Variants in THSD7A observed in about 807,000 individuals in gnomAD.
The protein encoded by THSD7A is thrombospondin type 1 domain containing 7A.
A neutral mutation model predicts 231.3 loss-of-function variants in THSD7A; 96 were observed. That is an observed-to-expected ratio of 0.41 (90% CI 0.35 to 0.49). THSD7A has a LOEUF of 0.49. Among genes scored for constraint, THSD7A ranks in the 20% least tolerant of loss-of-function variants. THSD7A has a pLI of 0.05. For synonymous variants in THSD7A, 940 were observed against 743.3 expected, an observed-to-expected ratio of 1.26 and a Z score of -4.30; for missense variants, 2,290 against 2,070.2, an observed-to-expected ratio of 1.11 and a Z score of -2.06.
At chr7:11,558,850 C>T (rs1270540239) in intron 4 of THSD7A, among the ~76,000 whole-genome samples, 1 of 152,140 alleles carries the variant, frequency 6.6e-6, no homozygotes, top group African/African-American at 2.4e-5. Flanking sequence ...AGGGACTCCA[C>T]AGATGTGATT....
Position 11,446,632 on chromosome 7 carries a change from G to A in THSD7A, c.2801-308C>T, listed in dbSNP as rs763324255. 1.6e-4 allele frequency among the ~76,000 whole-genome samples: 24 copies of A among 151,784 alleles called. No individual in the cohort carries two copies. The highest frequency in any genetic ancestry group is 2.8e-4 in the Non-Finnish European group (19 of 67,960). ...TTCATAGGCTGTGTTATATAGTTTC[G>A]ACAGTCTTCATTACATAGGTGGTTC... On this transcript the variant is annotated intron_variant, in intron 12 of 27. Transcript: ENST00000423059. This position sits in a 1 kb window ranked among gnomAD's most constrained non-coding sequence, Gnocchi z 4.0.
Position 11,632,144 on chromosome 7 carries a change from CCT to C in THSD7A, c.1022+3984_1022+3985del, listed in dbSNP as rs1378650559. 2.6e-5 allele frequency among the ~76,000 whole-genome samples: 4 copies of C among 151,970 alleles called. No homozygotes were observed. The highest frequency in any genetic ancestry group is 5.9e-5 in the Non-Finnish European group (4 of 67,996). On this transcript the variant is annotated intron_variant, in intron 2 of 27. Coordinates refer to ENST00000423059, the MANE Select transcript of THSD7A (RefSeq NM_015204.3). This position sits in a 1 kb window ranked among gnomAD's most constrained non-coding sequence, Gnocchi z 4.1. The stretch of plus-strand genomic sequence containing the variant: ...TAATTATCTTGTGAAGTTAGCCTTT[CCT>C]CTCTCTTTATTTTTCAGTATTTTCC...
chr7:11,727,117 G>A (rs1367063855), intron 1 of THSD7A, among the ~76,000 whole-genome samples: 2 of 151,968 alleles, frequency 1.3e-5, no homozygotes, highest in Non-Finnish European at 2.9e-5. Flanking sequence ...TGTCTTTCCA[G>A]TGAAAATGTA....
At chr7:11,452,066 C>T (rs1326042380) in intron 11 of THSD7A, among the ~76,000 whole-genome samples, 1 of 151,900 alleles carries the variant, frequency 6.6e-6, no homozygotes, top group Non-Finnish European at 1.5e-5. Flanking sequence ...GGTCAAAGAG[C>T]TCTGTGACCT....
At chr7:11,535,434 T>G (rs1162936393) in intron 6 of THSD7A, among the ~76,000 whole-genome samples, 1 of 152,048 alleles carries the variant, frequency 6.6e-6, no homozygotes, top group East Asian at 1.9e-4. Context: ...GAAAACATAT[T>G]GCTTGAAATT....
intron 1 of THSD7A, among the ~76,000 whole-genome samples, chr7:11,677,223 A>G (rs1245274913): frequency 1.3e-5 from 2 of 152,136 alleles, no homozygotes; most frequent in African/African-American, 2.4e-5. Context: ...ATGCTGAGGG[A>G]TTTTGTCATG....
At chr7:11,822,530 A>T (rs1034891563) in intron 1 of THSD7A, among the ~76,000 whole-genome samples, 4 of 151,908 alleles carry the variant, frequency 2.6e-5, no homozygotes, top group Non-Finnish European at 5.9e-5. Flanking sequence ...GTGTCTTTTG[A>T]TATATTGACT....
chr7:11,821,245 C>T lies in THSD7A; in HGVS notation c.190+10512G>A, dbSNP rs114440983. 154 of 1,157,812 alleles carry T rather than the reference C, an allele frequency of 1.3e-4. 1 individual carries two copies. In the African/African-American group the frequency reaches 2.2e-3, roughly 17 times the overall value. The allele number at this position is 1,157,812 out of a possible 1,614,324, so 71.7% of individuals were successfully genotyped here. ...ATGTTGGGCTAACAGTTCTGAGGGTCTACGCTGAGACTGAGCTGACTGTAT... is the reference window on the plus strand; with the variant it reads ...ATGTTGGGCTAACAGTTCTGAGGGTTTACGCTGAGACTGAGCTGACTGTAT... On this transcript the variant is annotated intron_variant, in intron 1 of 27. Coordinates refer to ENST00000423059, the MANE Select transcript of THSD7A (RefSeq NM_015204.3).
intron 6 of THSD7A, among the ~76,000 whole-genome samples, chr7:11,538,269 T>C (rs540671777): frequency 3.5e-4 from 53 of 152,290 alleles, no homozygotes; most frequent in African/African-American, 1.2e-3. Flanking sequence ...ACTGACTTTT[T>C]TTTCGAAAGT....
At position 11,645,865 on chromosome 7, in the gene THSD7A, C is replaced by T. The variant is rs999246027; in HGVS notation, c.191-8904G>A. Among the ~76,000 whole-genome samples, 53 of 151,862 alleles carry T rather than the reference C, an allele frequency of 3.5e-4. 3 individuals carry two copies. ...CTGTAAATCTGAAGAAAATATAAAG[C>T]CATCAACCACTCAAATATTTCTGTG... On this transcript the variant is annotated intron_variant, in intron 1 of 27. Coordinates refer to ENST00000423059, the MANE Select transcript of THSD7A (RefSeq NM_015204.3).
At chr7:11,431,185 GAA>G (rs1327093216) in intron 13 of THSD7A, among the ~76,000 whole-genome samples, 1 of 152,152 alleles carries the variant, frequency 6.6e-6, no homozygotes, top group African/African-American at 2.4e-5. Context: ...GTTGTTTGAA[GAA>G]CAAAAGTTTT....
At chr7:11,615,093 G>C (rs539351800) in intron 2 of THSD7A, among the ~76,000 whole-genome samples, 17 of 152,206 alleles carry the variant, frequency 1.1e-4, no homozygotes, top group African/African-American at 3.9e-4. Flanking sequence ...ATGAATCACA[G>C]GCTGGAAAGA....
intron 4 of THSD7A, among the ~76,000 whole-genome samples, chr7:11,549,564 C>T (rs923556174): frequency 6.6e-6 from 1 of 152,002 alleles, no homozygotes; most frequent in African/African-American, 2.4e-5. Context: ...TAAAGAAAAT[C>T]TCATACGTAT....
intron 1 of THSD7A, among the ~76,000 whole-genome samples, chr7:11,746,431 G>A (rs779407755): frequency 2.0e-5 from 3 of 151,790 alleles, no homozygotes; most frequent in Non-Finnish European, 4.4e-5. Flanking sequence ...ATCCCCCAAT[G>A]CATTTTGTTG....
chr7:11,382,864 A>T (rs947097713), intron 23 of THSD7A, among the ~76,000 whole-genome samples: 16 of 151,686 alleles, frequency 1.1e-4, no homozygotes, highest in East Asian at 3.9e-4. Flanking sequence ...TTTAATTTTT[A>T]AAAAATATTA....
At chr7:11,729,071 C>A (rs2030863) in intron 1 of THSD7A, among the ~76,000 whole-genome samples, 32,364 of 151,640 alleles carry the variant, frequency 0.21, 3,691 homozygotes, top group East Asian at 0.29. Flanking sequence ...GATATCTAGA[C>A]AACACTATCA....
At position 11,371,667 on chromosome 7, in the gene THSD7A, A is replaced by G. The variant is rs1020367987; in HGVS notation, c.*4127T>C. 3.3e-5 allele frequency: 5 copies of G among 151,914 alleles called. No individual in the cohort carries two copies. Among genetic ancestry groups the G allele is most frequent in the African/African-American group, 1.2e-4 (5 of 41,318 alleles). The allele number at this position is 151,914 out of a possible 1,614,324, so 9.4% of individuals were successfully genotyped here. ...TGTCTTGTGGTGTGGAATGTGAACA[A>G]AGACTCGAGATGGAGGCAGGAGGAT... On this transcript the variant is annotated 3_prime_UTR_variant, in exon 28 of 28. Coordinates refer to ENST00000423059, the MANE Select transcript of THSD7A (RefSeq NM_015204.3).
intron 7 of THSD7A, among the ~76,000 whole-genome samples, chr7:11,479,286 TTAAGA>T (rs1273592609): frequency 2.0e-5 from 3 of 152,202 alleles, no homozygotes; most frequent in African/African-American, 4.8e-5. Flanking sequence ...GGCATTCTGA[TTAAGA>T]TAAGTGAAAG....
In THSD7A at chr7:11,440,026, TG is replaced by T. The variant is rs527980985; in HGVS notation, c.3064+6034del. ...ATTTCAAGGGACAGATTGACTCTTT[TG>T]TTAGGGGTTAATGCAGTTGGTGACT... On this transcript the variant is annotated intron_variant, in intron 13 of 27. Coordinates refer to ENST00000423059, the MANE Select transcript of THSD7A (RefSeq NM_015204.3). 5.5e-4 allele frequency among the ~76,000 whole-genome samples: 84 copies of T among 152,072 alleles called. 1 individual carries two copies. The South Asian group carries it at 0.016, about 29-fold the overall frequency.
Sources: gnomAD v4.1 joint callset for allele counts (sites outside exome capture counted in the v4.1 genomes callset) on GRCh38, gnomAD v4.1.1 for gene constraint, Gnocchi (gnomAD v3.1) non-coding constraint, MANE v1.5 for transcripts, NCBI Gene and HGNC (gene_info 2026-07-23, HGNC 2026-07-21) for gene names.